The following RSRC1 variants were observed in gnomAD, a reference collection of about 807,000 sequenced individuals.
RSRC1 encodes the protein arginine and serine rich coiled-coil 1, also known as serine/Arginine-related protein 53.
A neutral mutation model predicts 49.1 loss-of-function variants in RSRC1; 39 were observed. That is an observed-to-expected ratio of 0.79 (90% CI 0.61 to 1.04). RSRC1 has a LOEUF of 1.04. Among genes scored for constraint, RSRC1 ranks in the 50% least tolerant of loss-of-function variants. The probability of loss-of-function intolerance (pLI) is 0.00; values close to 1 mark genes in which losing one functional copy is unlikely to be tolerated. For missense variants in RSRC1, 388 were observed against 402.4 expected, an observed-to-expected ratio of 0.96 and a Z score of 0.31; for synonymous variants, 143 against 130.8, an observed-to-expected ratio of 1.09 and a Z score of -0.63.
chr3:158,461,377 AAAACTTTTTT>A (rs1352224297), intron 7 of RSRC1, among the ~76,000 whole-genome samples: 1 of 151,952 alleles, frequency 6.6e-6, no homozygotes, highest in Non-Finnish European at 1.5e-5. Flanking sequence ...TCTTGCCAAT[AAAACTTTTTT>A]AAAGTTGAGA....
At position 158,315,226 on chromosome 3, in the gene RSRC1, C is replaced by G. The variant is rs571712483; in HGVS notation, c.531+17151C>G. 3.9e-5 allele frequency among the ~76,000 whole-genome samples: 6 copies of G among 152,140 alleles called. No individual in the cohort carries two copies. The East Asian group carries it at 1.2e-3, about 29-fold the overall frequency. ...TGGATGGATGGTTGGAGTACATGCA[C>G]ATATATGCACACACAGACACTCATC... On this transcript the variant is annotated intron_variant, in intron 5 of 9. Coordinates refer to ENST00000611884, the MANE Select transcript of RSRC1 (RefSeq NM_001271838.2).
intron 3 of RSRC1, among the ~76,000 whole-genome samples, chr3:158,143,196 A>G (rs1282755158): frequency 1.3e-5 from 2 of 152,140 alleles, no homozygotes; most frequent in South Asian, 4.1e-4. Context: ...ATCCTGGTTG[A>G]TTGTTTGAAA....
intron 3 of RSRC1, among the ~76,000 whole-genome samples, chr3:158,137,186 T>C (rs1218418578): frequency 6.6e-6 from 1 of 152,176 alleles, no homozygotes; most frequent in Admixed American, 6.5e-5. Flanking sequence ...ATTGAATTAA[T>C]AAGCTCATTT....
intron 6 of RSRC1, among the ~76,000 whole-genome samples, chr3:158,404,470 T>C (rs1290616014): frequency 1.3e-5 from 2 of 151,964 alleles, no homozygotes; most frequent in African/African-American, 2.4e-5. Flanking sequence ...AACTATAAAA[T>C]ACTTGATATT....
At chr3:158,389,821 G>A (rs1733168628) in intron 6 of RSRC1, among the ~76,000 whole-genome samples, 1 of 152,114 alleles carries the variant, frequency 6.6e-6, no homozygotes, top group Non-Finnish European at 1.5e-5. Context: ...CCAGAGCAGT[G>A]CAGGATATCT....
chr3:158,212,732 G>A (rs73027941), intron 4 of RSRC1, among the ~76,000 whole-genome samples: 6,611 of 151,952 alleles, frequency 0.044, 468 homozygotes, highest in African/African-American at 0.15. Context: ...TTAGAGGAAC[G>A]TAAAGGGAAT....
At chr3:158,217,815 A>G (rs699925) in intron 4 of RSRC1, among the ~76,000 whole-genome samples, 96,430 of 149,156 alleles carry the variant, frequency 0.65, 31,490 homozygotes, top group East Asian at 0.84. Context: ...TTTTAGTAGT[A>G]ATAAAAAGCC....
intron 7 of RSRC1, among the ~76,000 whole-genome samples, chr3:158,463,909 A>G (rs1737745812): frequency 6.6e-6 from 1 of 152,090 alleles, no homozygotes; most frequent in Non-Finnish European, 1.5e-5. Flanking sequence ...TACATTGGTG[A>G]TAGGCGCTCA....
chr3:158,308,836 G>A (rs1054423939), intron 5 of RSRC1, among the ~76,000 whole-genome samples: 3 of 151,826 alleles, frequency 2.0e-5, no homozygotes, highest in Non-Finnish European at 4.4e-5. Flanking sequence ...GCAGAATGGT[G>A]GAAGATGAGT....
At chr3:158,319,514 A>G (rs1728642829) in intron 5 of RSRC1, among the ~76,000 whole-genome samples, 1 of 152,178 alleles carries the variant, frequency 6.6e-6, no homozygotes, top group African/African-American at 2.4e-5. Flanking sequence ...TGACCAAGCA[A>G]GCCCTCAAAT....
intron 6 of RSRC1, among the ~76,000 whole-genome samples, chr3:158,437,404 TA>T (rs1441431023): frequency 1.3e-5 from 2 of 151,718 alleles, no homozygotes; most frequent in Non-Finnish European, 2.9e-5. Context: ...ATATGTTAAA[TA>T]AATGGTTACA....
chr3:158,417,754 A>G (rs1439719624), intron 6 of RSRC1, among the ~76,000 whole-genome samples: 1 of 150,812 alleles, frequency 6.6e-6, no homozygotes, highest in Non-Finnish European at 1.5e-5. Flanking sequence ...GTTCTTATTT[A>G]TTAATATATA....
chr3:158,490,234 GC>G (rs1156527944), intron 7 of RSRC1, among the ~76,000 whole-genome samples: 24 of 152,002 alleles, frequency 1.6e-4, no homozygotes, highest in African/African-American at 5.8e-4. Context: ...ACAGGCATCC[GC>G]CACCACACCC....
chr3:158,126,206 A>G (rs1715616670), intron 3 of RSRC1, among the ~76,000 whole-genome samples: 1 of 152,112 alleles, frequency 6.6e-6, no homozygotes. Flanking sequence ...AGTTTAATCC[A>G]GTTACATTTA....
chr3:158,361,538 C>G (rs529415686), intron 6 of RSRC1, among the ~76,000 whole-genome samples: 1 of 152,204 alleles, frequency 6.6e-6, no homozygotes, highest in African/African-American at 2.4e-5. Context: ...ATGCCTCCCC[C>G]ACTGTGGACA....
At position 158,478,833 on chromosome 3, in the gene RSRC1, T is replaced by C. The variant is rs529267319; in HGVS notation, c.652+17830T>C. Among the ~76,000 whole-genome samples, 4 of 151,488 alleles carry C rather than the reference T, an allele frequency of 2.6e-5. No homozygotes were observed. The South Asian group carries it at 6.2e-4, about 24-fold the overall frequency. The stretch of plus-strand genomic sequence containing the variant: ...TCAATATATTTGAAGTCCTCAGTAA[T>C]AGTTTATCAGTCAGGTGTTTACTAA... On this transcript the variant is annotated intron_variant, in intron 7 of 9. Coordinates refer to ENST00000611884, the MANE Select transcript of RSRC1 (RefSeq NM_001271838.2).
chr3:158,226,035 G>T (rs1264441031), intron 4 of RSRC1, among the ~76,000 whole-genome samples: 1 of 151,872 alleles, frequency 6.6e-6, no homozygotes, highest in African/African-American at 2.4e-5. Context: ...ACTAGTGTTG[G>T]TACCTCAAGG....
At chr3:158,320,370 G>A (rs1728692864) in intron 5 of RSRC1, among the ~76,000 whole-genome samples, 1 of 152,110 alleles carries the variant, frequency 6.6e-6, no homozygotes, top group Non-Finnish European at 1.5e-5. Flanking sequence ...CATGTAATAT[G>A]TGTTTGTTCT....
intron 6 of RSRC1, among the ~76,000 whole-genome samples, chr3:158,412,761 T>C (rs1269020554): frequency 6.6e-6 from 1 of 152,100 alleles, no homozygotes; most frequent in East Asian, 1.9e-4. Flanking sequence ...AAGACCAGTC[T>C]GGACAACAAA....
Sources: gnomAD v4.1 joint callset for allele counts (sites outside exome capture counted in the v4.1 genomes callset) on GRCh38, gnomAD v4.1.1 for gene constraint, MANE v1.5 for transcripts, NCBI Gene and HGNC (gene_info 2026-07-23, HGNC 2026-07-21) for gene names.